The following TRIM44 variants were observed in gnomAD, a reference collection of about 807,000 sequenced individuals.
TRIM44 encodes tripartite motif containing 44, also known as tripartite motif-containing protein 44.
In TRIM44, 13 loss-of-function variants were observed where a neutral mutation model predicts 37.4. That is an observed-to-expected ratio of 0.35 (90% confidence interval 0.23 to 0.55). The LOEUF (loss-of-function observed/expected upper bound fraction) is 0.55. Ranked by LOEUF, TRIM44 falls within the 20% of genes least tolerant of loss-of-function variation. The pLI, the probability that TRIM44 is intolerant of heterozygous loss-of-function variation, is 0.89. For synonymous variants in TRIM44, 175 were observed against 157.2 expected (o/e 1.11, Z -0.85); for missense variants, 426 against 437.2 (o/e 0.97, Z 0.23).
intron 2 of TRIM44, among the ~76,000 whole-genome samples, chr11:35,702,872 G>A (rs1276095039): frequency 6.6e-6 from 1 of 152,218 alleles, no homozygotes; most frequent in Non-Finnish European, 1.5e-5. Flanking sequence ...GAAGTACCGG[G>A]TTCATCTCAC....
chr11:35,721,776 A>G (rs1388084217), intron 2 of TRIM44, among the ~76,000 whole-genome samples: 2 of 152,186 alleles, frequency 1.3e-5, no homozygotes, highest in Non-Finnish European at 2.9e-5. Context: ...GTTTATGTCT[A>G]CCGTGTTTCT....
At position 35,663,488 on chromosome 11, in the gene TRIM44, A is replaced by G; in HGVS notation, c.377A>G (p.Glu126Gly). 6.4e-7 allele frequency: 1 copy of G among 1,574,034 alleles called. No homozygotes were observed. Among genetic ancestry groups the G allele is most frequent in the African/African-American group, 1.4e-5 (1 of 74,028 alleles). Residue 126 changes from glutamate (E) to glycine (G), a missense_variant, in exon 1 of 5, where the codon GAA (glutamate) becomes GGA (glycine). Glu to Gly is a moderately conservative substitution (Grantham distance 98, BLOSUM62 -2). Transcript: ENST00000299413. ...ESEDESDEES[E>G]EDSEEEMEDE... ...GAGGATGAGAGCGATGAGGAGAGTG[A>G]AGAAGACAGCGAGGAAGAAATGGAG...
chr11:35,701,103 A>G (rs1000032206), intron 2 of TRIM44, among the ~76,000 whole-genome samples: 2 of 152,158 alleles, frequency 1.3e-5, no homozygotes, highest in Non-Finnish European at 2.9e-5. Flanking sequence ...AAGGCCTAAT[A>G]TAATAAGCAG....
intron 4 of TRIM44, among the ~76,000 whole-genome samples, chr11:35,740,598 G>A (rs964741156): frequency 2.6e-5 from 4 of 152,152 alleles, no homozygotes; most frequent in Admixed American, 1.3e-4. Flanking sequence ...CCGATTCTGC[G>A]ATCAAACAGG....
In TRIM44 at chr11:35,812,919, A is replaced by G. The variant is rs1223584262; in HGVS notation, c.*6534A>G. ...TCTTCTTTATTCCAAGGCCATAAAT[A>G]AGAAAATCAACGAGAGGCAAAACCA... On this transcript the variant is annotated 3_prime_UTR_variant, in exon 5 of 5. Transcript: ENST00000299413. 1.3e-5 allele frequency: 2 copies of G among 152,226 alleles called. No individual in the cohort carries two copies. The highest frequency in any genetic ancestry group is 2.9e-5 in the Non-Finnish European group (2 of 68,038). The allele number at this position is 152,226 out of a possible 1,614,324, so 9.4% of individuals were successfully genotyped here.
chr11:35,747,364 AG>A (rs1852504802), intron 4 of TRIM44, among the ~76,000 whole-genome samples: 1 of 152,200 alleles, frequency 6.6e-6, no homozygotes, highest in African/African-American at 2.4e-5. Context: ...ATATGAAGAT[AG>A]TGATGTTATA....
chr11:35,791,555 C>T (rs143248871), intron 4 of TRIM44, among the ~76,000 whole-genome samples: 3 of 152,250 alleles, frequency 2.0e-5, no homozygotes, highest in East Asian at 3.9e-4. Context: ...TGATGAGACA[C>T]GTTCTCTCAC....
chr11:35,756,267 A>G (rs1417254197), intron 4 of TRIM44, among the ~76,000 whole-genome samples: 20 of 152,074 alleles, frequency 1.3e-4, no homozygotes, highest in Non-Finnish European at 2.5e-4. Context: ...CTTTGAAGCA[A>G]TTGTGAATGG....
At chr11:35,766,363 G>T (rs1479392739) in intron 4 of TRIM44, among the ~76,000 whole-genome samples, 3 of 152,142 alleles carry the variant, frequency 2.0e-5, no homozygotes, top group African/African-American at 7.2e-5. Context: ...GTTATATAGG[G>T]CTTCTCCTCC....
intron 4 of TRIM44, among the ~76,000 whole-genome samples, chr11:35,785,267 A>G (rs1368333186): frequency 6.6e-6 from 1 of 152,248 alleles, no homozygotes; most frequent in Non-Finnish European, 1.5e-5. Flanking sequence ...AAAAACCTTC[A>G]GAGCTCTGCT....
In TRIM44 at chr11:35,810,082, C is replaced by T. The variant is rs1451132585; in HGVS notation, c.*3697C>T. Reference sequence around the variant, plus strand: ...AAGGCACTGAGTCAAAGTGACAGCCCTGAAGGAAATTGCACTCCAGCCCTC... The same window carrying T: ...AAGGCACTGAGTCAAAGTGACAGCCTTGAAGGAAATTGCACTCCAGCCCTC... On this transcript the variant is annotated 3_prime_UTR_variant, in exon 5 of 5. Transcript: ENST00000299413. 2 of 152,088 alleles carry T rather than the reference C, an allele frequency of 1.3e-5. No individual in the cohort carries two copies. The highest frequency in any genetic ancestry group is 1.3e-4 in the Admixed American group (2 of 15,264). 9.4% of individuals were successfully genotyped at this position (152,088 alleles called of 1,614,324 possible).
chr11:35,780,104 T>C (rs1853043069), intron 4 of TRIM44, among the ~76,000 whole-genome samples: 1 of 152,264 alleles, frequency 6.6e-6, no homozygotes, highest in African/African-American at 2.4e-5. Context: ...TTTTTGGTTA[T>C]ATACTAATTT....
At chr11:35,756,717 G>T (rs987198788) in intron 4 of TRIM44, among the ~76,000 whole-genome samples, 7 of 152,132 alleles carry the variant, frequency 4.6e-5, no homozygotes, top group South Asian at 4.2e-4. Context: ...TAGCATGAAG[G>T]GTTGTTGAAT....
intron 2 of TRIM44, among the ~76,000 whole-genome samples, chr11:35,697,368 C>T (rs1851717954): frequency 6.6e-6 from 1 of 151,036 alleles, no homozygotes. Context: ...CCAGCTGCAT[C>T]CATGTCCCTA....
chr11:35,719,330 TATG>T (rs1444745728), intron 2 of TRIM44, among the ~76,000 whole-genome samples: 1 of 152,210 alleles, frequency 6.6e-6, no homozygotes, highest in Non-Finnish European at 1.5e-5. Flanking sequence ...CCTAATGATA[TATG>T]ATGTTGAGCA....
At chr11:35,792,733 C>T (rs1565032138) in intron 4 of TRIM44, among the ~76,000 whole-genome samples, 1 of 152,156 alleles carries the variant, frequency 6.6e-6, no homozygotes, top group East Asian at 1.9e-4. Flanking sequence ...GCTCAAGTGA[C>T]AAAGACTGAC....
At chr11:35,710,312 A>AT (rs1454962610) in intron 2 of TRIM44, among the ~76,000 whole-genome samples, 1 of 152,178 alleles carries the variant, frequency 6.6e-6, no homozygotes, top group Non-Finnish European at 1.5e-5. Flanking sequence ...AAATGGATAC[A>AT]ATTTTATCAT....
At chr11:35,714,887 C>A (rs944904200) in intron 2 of TRIM44, among the ~76,000 whole-genome samples, 2 of 151,918 alleles carry the variant, frequency 1.3e-5, no homozygotes, top group African/African-American at 4.8e-5. Context: ...AAGCTCTCAC[C>A]CTTATTCTTG....
chr11:35,806,155 A>T (rs1227501251), intron 4 of TRIM44, among the ~76,000 whole-genome samples: 1 of 152,192 alleles, frequency 6.6e-6, no homozygotes. Context: ...AGTAAGTTTT[A>T]TCATCATTCC....
Sources: allele counts gnomAD v4.1 joint callset (sites outside exome capture counted in the v4.1 genomes callset), GRCh38; gene constraint gnomAD v4.1.1; transcripts MANE v1.5; gene names NCBI Gene and HGNC (gene_info 2026-07-23, HGNC 2026-07-21).